KSR1: variants seen among roughly 807,000 people sequenced by gnomAD.
KSR1 encodes the protein kinase suppressor of ras.
A neutral mutation model predicts 92.9 loss-of-function variants in KSR1; 35 were observed. That is an observed-to-expected ratio of 0.38 (90% CI 0.29 to 0.50). The LOEUF is 0.50. Among genes scored for constraint, KSR1 ranks in the 20% least tolerant of loss-of-function variants. The probability of loss-of-function intolerance (pLI) is 0.94; values close to 1 mark genes in which losing one functional copy is unlikely to be tolerated. For missense variants in KSR1, 972 were observed against 1,158.5 expected (o/e 0.84, Z 2.34); for synonymous variants, 467 against 472.6 (o/e 0.99, Z 0.15).
chr17:27,489,391 AG>A (rs2068757003), intron 1 of KSR1, among the ~76,000 whole-genome samples: 1 of 152,306 alleles, frequency 6.6e-6, no homozygotes, highest in African/African-American at 2.4e-5. Context: ...GGAATGAGGC[AG>A]GGGGCCTGGT....
chr17:27,522,821 A>G (rs1443976462), intron 1 of KSR1, among the ~76,000 whole-genome samples: 1 of 152,230 alleles, frequency 6.6e-6, no homozygotes, highest in East Asian at 1.9e-4. Context: ...CTGCCCAGCT[A>G]GGTTGCTTTT....
At chr17:27,510,669 G>A (rs538664450) in intron 1 of KSR1, among the ~76,000 whole-genome samples, 26 of 152,316 alleles carry the variant, frequency 1.7e-4, no homozygotes, top group South Asian at 1.7e-3. Flanking sequence ...CTGCACTGCC[G>A]TCCGTTCAGA....
intron 2 of KSR1, among the ~76,000 whole-genome samples, chr17:27,570,824 C>T (rs929927487): frequency 3.3e-5 from 5 of 152,222 alleles, no homozygotes; most frequent in Admixed American, 6.5e-5. Context: ...TGGGCCCCAA[C>T]GCCTGTCTGC....
chr17:27,561,616 G>A (rs986204624), intron 2 of KSR1, among the ~76,000 whole-genome samples: 1 of 152,206 alleles, frequency 6.6e-6, no homozygotes, highest in African/African-American at 2.4e-5. Flanking sequence ...CACTCAGTGT[G>A]TATTTAGCAC....
intron 1 of KSR1, among the ~76,000 whole-genome samples, chr17:27,512,165 T>G (rs994951700): frequency 1.3e-5 from 2 of 152,252 alleles, no homozygotes; most frequent in African/African-American, 2.4e-5. Flanking sequence ...ACTTCTTTGT[T>G]GCTTTCTGAG....
chr17:27,593,749 C>G (rs1293111434), intron 9 of KSR1, among the ~76,000 whole-genome samples: 1 of 152,264 alleles, frequency 6.6e-6, no homozygotes, highest in Admixed American at 6.5e-5. Flanking sequence ...TTAGTGTGTT[C>G]AGGCTACCGT....
At chr17:27,601,901 G>T (rs780639003) in intron 11 of KSR1, 1 of 1,608,732 alleles carries the variant, frequency 6.2e-7, no homozygotes, top group Admixed American at 1.7e-5. Flanking sequence ...AGTGCCATCT[G>T]CTGGCCATTG....
chr17:27,555,395 A>T (rs2151100685), intron 2 of KSR1, among the ~76,000 whole-genome samples: 1 of 152,282 alleles, frequency 6.6e-6, no homozygotes, highest in African/African-American at 2.4e-5. Flanking sequence ...TTGGGTTCTA[A>T]TCCAATACTA....
intron 1 of KSR1, among the ~76,000 whole-genome samples, chr17:27,546,548 AC>A (rs1195211334): frequency 6.6e-6 from 1 of 152,156 alleles, no homozygotes; most frequent in East Asian, 1.9e-4. Flanking sequence ...TGAAAGAGTC[AC>A]ACACAACACA....
chr17:27,611,148 A>T (rs891663963), intron 17 of KSR1, among the ~76,000 whole-genome samples: 1 of 152,132 alleles, frequency 6.6e-6, no homozygotes, highest in African/African-American at 2.4e-5. Flanking sequence ...CTCCTCAAAC[A>T]ACCCTGTGAC....
At position 27,614,789 on chromosome 17, in the gene KSR1, G is replaced by A. The variant is rs143937523; in HGVS notation, c.2494-2506G>A. On this transcript the variant is annotated intron_variant, in intron 18 of 20. Coordinates refer to ENST00000644974, the MANE Select transcript of KSR1 (RefSeq NM_001394583.1). ...GTGGGATCAGGGCGTGGGGAGTGGG[G>A]AGAGAGCAGATGCTCCGGCAGCAGC... is the stretch of plus-strand genomic sequence containing the variant. Among the ~76,000 whole-genome samples the A allele has an allele frequency of 1.4e-3, 213 of 152,324 alleles. 5 individuals carry two copies. The East Asian group carries it at 0.036, about 26-fold the overall frequency.
chr17:27,585,009 T>G (rs1261463623), intron 4 of KSR1, among the ~76,000 whole-genome samples: 1 of 152,234 alleles, frequency 6.6e-6, no homozygotes, highest in Non-Finnish European at 1.5e-5. Context: ...CAATCTCGGC[T>G]CACTGCAACC....
chr17:27,458,729 C>T (rs1439843514), intron 1 of KSR1, among the ~76,000 whole-genome samples: 1 of 152,148 alleles, frequency 6.6e-6, no homozygotes, highest in African/African-American at 2.4e-5. Flanking sequence ...GATGTGGATT[C>T]GGGTTCACTC....
intron 2 of KSR1, among the ~76,000 whole-genome samples, chr17:27,555,253 A>G (rs1202960425): frequency 1.3e-5 from 2 of 152,108 alleles, no homozygotes; most frequent in Admixed American, 6.5e-5. Context: ...GTTAAGCTCC[A>G]TCTCCTCTGG....
intron 1 of KSR1, among the ~76,000 whole-genome samples, chr17:27,480,277 C>T (rs570612593): frequency 6.6e-6 from 1 of 152,286 alleles, no homozygotes; most frequent in South Asian, 2.1e-4. Context: ...TCCTGCCTCC[C>T]CCACCTAACA....
chr17:27,531,409 C>T (rs1301236360), intron 1 of KSR1, among the ~76,000 whole-genome samples: 1 of 152,208 alleles, frequency 6.6e-6, no homozygotes, highest in Non-Finnish European at 1.5e-5. Context: ...AAACCTTTTC[C>T]CCTGACAGTA....
chr17:27,472,234 G>T (rs2020051749), intron 1 of KSR1, among the ~76,000 whole-genome samples: 1 of 152,202 alleles, frequency 6.6e-6, no homozygotes, highest in African/African-American at 2.4e-5. Context: ...TGGGGACATT[G>T]TGCTCCTCAT....
chr17:27,588,382 C>T lies in KSR1; in HGVS notation c.986-93C>T, dbSNP rs1408015015. 10 of 1,139,686 alleles carry T rather than the reference C, an allele frequency of 8.8e-6. No homozygotes were observed. In the East Asian group the frequency reaches 1.6e-4, roughly 18 times the overall value. 70.6% of individuals were successfully genotyped at this position (1,139,686 alleles called of 1,614,324 possible). On this transcript the variant is annotated intron_variant, in intron 5 of 20. Transcript: ENST00000644974. ...TTATATAATAAACCATTGCGCCCCC[C>T]TCTAGCCTGTGGTCTCTGAATTAGG...
At chr17:27,549,351 G>A (rs2071308006) in intron 1 of KSR1, among the ~76,000 whole-genome samples, 1 of 152,102 alleles carries the variant, frequency 6.6e-6, no homozygotes, top group Non-Finnish European at 1.5e-5. Context: ...CAACTCCCTG[G>A]TCTTCTGGCA....
Sources: allele counts gnomAD v4.1 joint callset (sites outside exome capture counted in the v4.1 genomes callset), GRCh38; gene constraint gnomAD v4.1.1; transcripts MANE v1.5; gene names NCBI Gene and HGNC (gene_info 2026-07-23, HGNC 2026-07-21).